Variants in ASIC2 observed in about 807,000 individuals in gnomAD.
The protein encoded by ASIC2 is acid sensing ion channel subunit 2.
ASIC2 carries 25 observed loss-of-function variants against 57.3 expected under a neutral mutation model. The ratio of observed to expected loss-of-function variants is 0.44; its 90% CI spans 0.32 to 0.61. ASIC2 has a LOEUF of 0.61. ASIC2 is among the 20% of genes least tolerant of loss of function. The pLI is 0.06. For missense variants in ASIC2, 641 were observed against 738.1 expected, an observed-to-expected ratio of 0.87 and a Z score of 1.52; for synonymous variants, 319 against 307.5, an observed-to-expected ratio of 1.04 and a Z score of -0.39.
At chr17:33,713,654 C>G (rs1181182875) in intron 1 of ASIC2, among the ~76,000 whole-genome samples, 3 of 152,252 alleles carry the variant, frequency 2.0e-5, no homozygotes, top group Non-Finnish European at 4.4e-5. Flanking sequence ...TAGTCACATT[C>G]ACAGTTTCCA....
intron 1 of ASIC2, among the ~76,000 whole-genome samples, chr17:33,566,381 C>T (rs112191809): frequency 1.3e-5 from 2 of 152,336 alleles, no homozygotes; most frequent in African/African-American, 2.4e-5. Flanking sequence ...AACCAAGGCT[C>T]AGCTGATTGA....
At chr17:33,687,955 C>T (rs921394365) in intron 1 of ASIC2, among the ~76,000 whole-genome samples, 4 of 152,196 alleles carry the variant, frequency 2.6e-5, no homozygotes, top group African/African-American at 9.7e-5. Context: ...GAAACCATTA[C>T]ATGCAACCTG....
chr17:33,411,196 A>AGT (rs1223364150), intron 1 of ASIC2, among the ~76,000 whole-genome samples: 1 of 152,164 alleles, frequency 6.6e-6, no homozygotes, highest in Non-Finnish European at 1.5e-5. Flanking sequence ...TGTCTGAGCT[A>AGT]GTGTGTGTGG....
intron 2 of ASIC2, among the ~76,000 whole-genome samples, chr17:33,097,454 C>T (rs920361494): frequency 1.3e-5 from 2 of 152,188 alleles, no homozygotes; most frequent in African/African-American, 4.8e-5. Flanking sequence ...CTCACGGCTG[C>T]GTAGAATTTT....
intron 1 of ASIC2, among the ~76,000 whole-genome samples, chr17:34,018,968 C>T (rs575732879): frequency 2.0e-3 from 303 of 151,760 alleles, no homozygotes; most frequent in African/African-American, 2.6e-3. Flanking sequence ...AGTGCAGTGG[C>T]GCGATCTTGG....
At chr17:34,097,811 C>G (rs1035696273) in intron 1 of ASIC2, among the ~76,000 whole-genome samples, 3 of 152,088 alleles carry the variant, frequency 2.0e-5, no homozygotes, top group Non-Finnish European at 4.4e-5. Context: ...TTTACCCTCC[C>G]CCAAACTGCA....
At chr17:33,315,640 A>C (rs182011467) in intron 1 of ASIC2, among the ~76,000 whole-genome samples, 1 of 152,208 alleles carries the variant, frequency 6.6e-6, no homozygotes, top group Non-Finnish European at 1.5e-5. Flanking sequence ...TAAGGGAGGA[A>C]ATTTTTTCTT....
At chr17:33,918,882 A>G (rs1915647350) in intron 1 of ASIC2, among the ~76,000 whole-genome samples, 1 of 152,212 alleles carries the variant, frequency 6.6e-6, no homozygotes, top group Non-Finnish European at 1.5e-5. Flanking sequence ...TTTGGTCTTC[A>G]TGGATTTCCC....
intron 1 of ASIC2, among the ~76,000 whole-genome samples, chr17:33,661,808 A>G (rs1451239951): frequency 6.6e-6 from 1 of 152,214 alleles, no homozygotes; most frequent in African/African-American, 2.4e-5. Context: ...GTCCCAGTAC[A>G]CTTGTGGGAA....
At chr17:33,312,102 T>G (rs1052677273) in intron 1 of ASIC2, among the ~76,000 whole-genome samples, 1 of 152,230 alleles carries the variant, frequency 6.6e-6, no homozygotes, top group Admixed American at 6.5e-5. Flanking sequence ...GGGTGAGCCA[T>G]GCAATCTCTC....
chr17:33,295,597 T>C (rs1193739140), upstream of ASIC2, among the ~76,000 whole-genome samples: 1 of 152,188 alleles, frequency 6.6e-6, no homozygotes, highest in Admixed American at 6.5e-5. Context: ...GCCCTTATCA[T>C]TGTTTGTGTC....
At chr17:34,044,929 T>C (rs1908281478) in intron 1 of ASIC2, among the ~76,000 whole-genome samples, 1 of 152,196 alleles carries the variant, frequency 6.6e-6, no homozygotes, top group Non-Finnish European at 1.5e-5. Flanking sequence ...CTGAGACACA[T>C]ACTAAGTGTC....
chr17:34,099,168 GAAAGAAAGA>G (rs1567820974), intron 1 of ASIC2, among the ~76,000 whole-genome samples: 7 of 6,780 alleles, frequency 1.0e-3, no homozygotes, highest in Admixed American at 2.5e-3. Flanking sequence ...GAGAGAGAAA[GAAAGAAAGA>G]AAGAAAGAAA....
At chr17:34,155,798 C>T (rs747517090) in intron 1 of ASIC2, 23 of 664,806 alleles carry the variant, frequency 3.5e-5, no homozygotes, top group East Asian at 5.5e-5. Flanking sequence ...CTATCCTGGC[C>T]GGTAGCCTTC....
intron 1 of ASIC2, among the ~76,000 whole-genome samples, chr17:33,888,212 C>A (rs1281284391): frequency 6.6e-6 from 1 of 152,094 alleles, no homozygotes; most frequent in African/African-American, 2.4e-5. Context: ...GACAGACCAC[C>A]TAACCCAGCT....
intron 1 of ASIC2, among the ~76,000 whole-genome samples, chr17:33,850,594 G>A (rs1005432072): frequency 6.6e-6 from 1 of 152,130 alleles, no homozygotes; most frequent in African/African-American, 2.4e-5. Context: ...GTTGAGTTTT[G>A]CTGGGGGAGG....
chr17:33,532,827 G>C (rs572151314), intron 1 of ASIC2, among the ~76,000 whole-genome samples: 14 of 152,306 alleles, frequency 9.2e-5, no homozygotes, highest in Middle Eastern at 3.4e-3. Context: ...TTTCTGCCTA[G>C]AGCAGTATTT....
At chr17:33,413,998 C>T (rs1910751046) in intron 1 of ASIC2, among the ~76,000 whole-genome samples, 1 of 152,178 alleles carries the variant, frequency 6.6e-6, no homozygotes, top group Non-Finnish European at 1.5e-5. Flanking sequence ...TAAGGAGCAT[C>T]ATTTGAGGAG....
intron 1 of ASIC2, among the ~76,000 whole-genome samples, chr17:33,763,110 C>T (rs1315307669): frequency 6.6e-6 from 1 of 152,188 alleles, no homozygotes; most frequent in African/African-American, 2.4e-5. Flanking sequence ...TCTTTCCCCT[C>T]AACCATGCTG....
Sources: gnomAD v4.1 joint callset for allele counts (sites outside exome capture counted in the v4.1 genomes callset) on GRCh38, gnomAD v4.1.1 for gene constraint, MANE v1.5 for transcripts, NCBI Gene and HGNC (gene_info 2026-07-23, HGNC 2026-07-21) for gene names.